Variants in G6PD observed in about 807,000 individuals in gnomAD.
G6PD encodes glucose-6-phosphate dehydrogenase, also known as glucose-6-phosphate 1-dehydrogenase.
A neutral mutation model predicts 38.2 loss-of-function variants in G6PD; 2 were observed. That is an observed-to-expected ratio of 0.05 (90% CI 0.02 to 0.16). G6PD has a LOEUF of 0.16. G6PD is among the 10% of genes least tolerant of loss of function. The pLI is 1.00. For missense variants in G6PD, 310 were observed against 471.6 expected, an observed-to-expected ratio of 0.66 and a Z score of 3.17; for synonymous variants, 188 against 196.0, an observed-to-expected ratio of 0.96 and a Z score of 0.34.
chrX:154,541,901 G>A (rs1280445833), intron 2 of G6PD, among the ~76,000 whole-genome samples: 2 of 112,158 alleles, frequency 1.8e-5, no homozygotes, highest in Admixed American at 9.3e-5. Flanking sequence ...GAGGGCCAGC[G>A]GGGGTGGGCC....
intron 2 of G6PD, among the ~76,000 whole-genome samples, chrX:154,538,783 T>G (rs2148334010): frequency 9.1e-6 from 1 of 110,396 alleles, no homozygotes; most frequent in South Asian, 3.8e-4. Context: ...AAAACTTAGC[T>G]GAACATGGTG....
intron 5 of G6PD, 93 bp downstream of exon 5, chrX:154,535,075 C>T (rs1557230530): frequency 1.1e-6 from 1 of 916,728 alleles, no homozygotes; most frequent in East Asian, 3.1e-5. Context: ...GGATGCTGCC[C>T]AGATCCCCGG....
At chrX:154,542,051 A>G (rs1557232038) in intron 2 of G6PD, among the ~76,000 whole-genome samples, 1 of 111,791 alleles carries the variant, frequency 8.9e-6, no homozygotes, top group African/African-American at 3.3e-5. Flanking sequence ...TCAGCTGAAA[A>G]ACCAACAAAA....
rs377041776 is a variant in G6PD at position 154,533,559 on chromosome X, T to G, written c.864+17A>C. 1 of 1,209,563 alleles carries G rather than the reference T, an allele frequency of 8.3e-7. No individual in the cohort carries two copies. Among genetic ancestry groups the G allele is most frequent in the African/African-American group, 1.7e-5 (1 of 57,464 alleles). ...TGCGACAGGGCATGCTCCTGGGGAC[T>G]GGGGTGCACCCCCTACCTTCTCATC... On this transcript the variant is annotated intron_variant, in intron 8 of 12. Transcript: ENST00000393562.
intron 2 of G6PD, among the ~76,000 whole-genome samples, chrX:154,538,073 C>G (rs2148333513): frequency 9.3e-6 from 1 of 108,086 alleles, no homozygotes; most frequent in East Asian, 2.9e-4. Context: ...CAGTTCACTG[C>G]AACCTCTGCC....
chrX:154,532,674 C>T lies in G6PD; in HGVS notation c.1180G>A (p.Val394Met). The T allele has an allele frequency of 1.6e-6, 2 of 1,212,286 alleles. No homozygotes were observed. The highest frequency in any genetic ancestry group is 2.2e-6 in the Non-Finnish European group (2 of 895,598). The change falls in exon 10 of 13, where the codon GTG (valine) becomes ATG (methionine). Residue 394 changes from valine (V) to methionine (M), a missense_variant. By Grantham distance (21) the Val-to-Met change is conservative (BLOSUM62 1). Around this residue, in one of 4 missense-constraint regions of G6PD, gnomAD observed 168 missense variants for 309.2 expected, o/e 0.54. Coordinates refer to ENST00000393562, the MANE Select transcript of G6PD (RefSeq NM_001360016.2). ...GTGTACACGGCCTCGTTGGGCTGCA[C>T]GCGGATCACCAGCTCGTTGCGCTTG... ...QCKRNELVIRVQPNEAVYTKM... is the reference protein window; with the variant it reads ...QCKRNELVIRMQPNEAVYTKM...
At chrX:154,546,479 CCAGGACCATCT>C (rs1320971630) in intron 1 of G6PD, among the ~76,000 whole-genome samples, 1 of 111,875 alleles carries the variant, frequency 8.9e-6, no homozygotes, top group Non-Finnish European at 1.9e-5. Context: ...AACTGCGTGC[CCAGGACCATCT>C]CATTCCCGAC....
At chrX:154,533,382 C>G (rs191030887) in intron 8 of G6PD, 194 bp downstream of exon 8, 14 of 519,328 alleles carry the variant, frequency 2.7e-5, no homozygotes, top group Non-Finnish European at 3.8e-5. Context: ...TAGTGACTGT[C>G]AGGCCTGGGA....
At chrX:154,546,505 G>A (rs1003376621) in intron 1 of G6PD, among the ~76,000 whole-genome samples, 23 of 111,881 alleles carry the variant, frequency 2.1e-4, no homozygotes, top group Non-Finnish European at 4.3e-4. Context: ...CCCGACTGTA[G>A]CGGGAACTCC....
intron 2 of G6PD, 84 bp downstream of exon 2, chrX:154,545,952 G>C: frequency 8.8e-7 from 1 of 1,138,776 alleles, no homozygotes; most frequent in Non-Finnish European, 1.2e-6. Flanking sequence ...GAGCCTGTGG[G>C]GCCCTGCAAC....
Position 154,534,446 on chromosome X carries a change from C to T in G6PD, c.536G>A (p.Ser179Asn), listed in dbSNP as rs281860640. ...VEKPFGRDLQ[S>N]SDRLSNHISS... The stretch of plus-strand genomic sequence containing the variant: ...GATGTGGTTGGACAGCCGGTCAGAG[C>T]TCTGCAGGTCCCTCCCGAAGGGCTT... Residue 179 changes from serine to asparagine, a missense_variant, in exon 6 of 13, where the codon AGC becomes AAC. By Grantham distance (46) the Ser-to-Asn change is conservative. Around this residue, in one of 4 missense-constraint regions of G6PD, gnomAD observed 96 missense variants for 93.3 expected, o/e 1.03. Coordinates refer to ENST00000393562, the MANE Select transcript of G6PD (RefSeq NM_001360016.2). 8.3e-7 allele frequency: 1 copy of T among 1,211,823 alleles called. No individual in the cohort carries two copies. The highest frequency in any genetic ancestry group is 1.1e-6 in the Non-Finnish European group (1 of 895,388).
intron 2 of G6PD, among the ~76,000 whole-genome samples, 165 bp from the exon 3 acceptor site, chrX:154,536,343 T>C (rs2070408639): frequency 9.0e-6 from 1 of 111,687 alleles, no homozygotes; most frequent in African/African-American, 3.3e-5. Context: ...GATTCAAGCC[T>C]GTGCCAGCCC....
chrX:154,533,969 A>G (rs899210996), intron 7 of G6PD, 66 bp downstream of exon 7: 1 of 1,206,991 alleles, frequency 8.3e-7, no homozygotes, highest in African/African-American at 1.7e-5. Flanking sequence ...AGGGAAGAGT[A>G]GCCCTGCAGG....
intron 2 of G6PD, among the ~76,000 whole-genome samples, chrX:154,544,108 G>A (rs1355695182): frequency 1.8e-5 from 2 of 109,130 alleles, no homozygotes; most frequent in Non-Finnish European, 3.8e-5. Context: ...TGATCCACCC[G>A]CTTCAGCCTC....
chrX:154,536,552 G>A (rs1340479520), intron 2 of G6PD, among the ~76,000 whole-genome samples: 1 of 112,623 alleles, frequency 8.9e-6, no homozygotes, highest in Non-Finnish European at 1.9e-5. Context: ...GTGAGAAAAA[G>A]GGCCAGATGC....
rs137852349 is a variant in G6PD, at chrX:154,535,996, A to G, written c.208T>C (p.Tyr70His). 6 of 1,211,968 alleles carry G rather than the reference A, an allele frequency of 5.0e-6. 1 individual carries two copies. The South Asian group carries it at 7.0e-5, about 14-fold the overall frequency. The stretch of plus-strand genomic sequence containing the variant: ...GCCACTGTGAGGCGGGAACGGGCAT[A>G]GCCCACGATGAAGGTGTTTTCGGGC... ...LLPENTFIVGYARSRLTVADI... is the reference protein window; with the variant it reads ...LLPENTFIVGHARSRLTVADI... The change falls in exon 4 of 13, where the codon TAT becomes CAT. Residue 70 changes from tyrosine to histidine, a missense_variant. Physicochemically the swap from Tyr to His is moderately conservative, Grantham distance 83. Around this residue, in one of 4 missense-constraint regions of G6PD, gnomAD observed 17 missense variants for 40.8 expected, o/e 0.42. Coordinates refer to ENST00000393562, the MANE Select transcript of G6PD (RefSeq NM_001360016.2).
At chrX:154,546,923 C>T (rs1314895892), upstream of G6PD, 27 of 645,600 alleles carry the variant, frequency 4.2e-5, no homozygotes, top group South Asian at 1.1e-3. Flanking sequence ...CCGCCTCAGG[C>T]GAGGCGTGCG....
intron 2 of G6PD, among the ~76,000 whole-genome samples, chrX:154,543,053 G>A (rs782597206): frequency 2.7e-5 from 3 of 112,151 alleles, no homozygotes; most frequent in Non-Finnish European, 5.6e-5. Flanking sequence ...CTCCCGCACC[G>A]AGTGAGGCAT....
upstream of G6PD, chrX:154,547,002 G>C (rs1430296792): frequency 8.8e-6 from 2 of 227,624 alleles, no homozygotes; most frequent in Non-Finnish European, 1.5e-5. Flanking sequence ...GCGCATCCCA[G>C]GCCAGCCCCT....
Sources: gnomAD v4.1 joint callset for allele counts (sites outside exome capture counted in the v4.1 genomes callset) on GRCh38, gnomAD v4.1.1 for gene constraint, gnomAD v4.1.1 regional missense constraint, MANE v1.5 for transcripts, NCBI Gene and HGNC (gene_info 2026-07-23, HGNC 2026-07-21) for gene names.